TNFSF18: variants seen among roughly 807,000 people sequenced by gnomAD.
The protein encoded by TNFSF18 is TNF superfamily member 18.
A neutral mutation model predicts 9.6 loss-of-function variants in TNFSF18; 6 were observed. The ratio of observed to expected loss-of-function variants is 0.63; its 90% confidence interval spans 0.34 to 1.24. TNFSF18 has a LOEUF of 1.24. TNFSF18 is among the 50% of genes most tolerant of loss of function. The probability of loss-of-function intolerance (pLI) is 0.03; values close to 1 mark genes in which losing one functional copy is unlikely to be tolerated. For missense variants in TNFSF18, 210 were observed against 201.0 expected (o/e 1.04, Z -0.27); for synonymous variants, 68 against 71.7 (o/e 0.95, Z 0.26).
chr1:173,050,901 G>A lies in TNFSF18; in HGVS notation c.-5C>T, dbSNP rs746365980. 1.1e-5 allele frequency: 18 copies of A among 1,613,688 alleles called. No homozygotes were observed. The South Asian group carries it at 1.5e-4, about 14-fold the overall frequency. Reference sequence around the variant, plus strand: ...TTCCAAGTGGCTCAAACACATTTTTGGAGAAATGAGAGCTGTGGAAAACAA... The same window carrying A: ...TTCCAAGTGGCTCAAACACATTTTTAGAGAAATGAGAGCTGTGGAAAACAA... On this transcript the variant is annotated 5_prime_UTR_variant, in exon 1 of 3. Transcript: ENST00000404377.
chr1:173,039,722 A>G lies in TNFSF18; in HGVS notation c.*1645T>C, dbSNP rs1664959076. ...ACCAAGATTTTATAAGTATACATATATATACACACACACATATACACACAC... is the reference window on the plus strand; with the variant it reads ...ACCAAGATTTTATAAGTATACATATGTATACACACACACATATACACACAC... On this transcript the variant is annotated 3_prime_UTR_variant, in exon 3 of 3. Coordinates refer to ENST00000404377, the MANE Select transcript of TNFSF18 (RefSeq NM_005092.4). Among the ~76,000 whole-genome samples the G allele has an allele frequency of 6.7e-6, 1 of 150,244 alleles. No individual in the cohort carries two copies. Among genetic ancestry groups the G allele is most frequent in the Admixed American group, 6.7e-5 (1 of 15,016 alleles).
intron 1 of TNFSF18, among the ~76,000 whole-genome samples, chr1:173,048,579 A>G (rs549433271): frequency 9.8e-5 from 15 of 152,308 alleles, no homozygotes; most frequent in Non-Finnish European, 1.6e-4. Flanking sequence ...ACTCACAGCT[A>G]TCCTTTTAGT....
intron 2 of TNFSF18, among the ~76,000 whole-genome samples, chr1:173,043,583 A>G (rs903996286): frequency 6.6e-6 from 1 of 152,202 alleles, no homozygotes; most frequent in Non-Finnish European, 1.5e-5. Context: ...AATATGTGAA[A>G]CATGAGAAAG....
chr1:173,041,641 A>G lies in TNFSF18; in HGVS notation c.260T>C (p.Leu87Pro), dbSNP rs1333985429. 6.2e-7 allele frequency: 1 copy of G among 1,613,558 alleles called. No individual in the cohort carries two copies. Among genetic ancestry groups the G allele is most frequent in the Non-Finnish European group, 8.5e-7 (1 of 1,179,598 alleles). The part of the protein sequence containing the change: ...PCVNKVSDWK[L>P]EILQNGLYLI... ...ATATAAGCCATTCTGAAGTATCTCC[A>G]GCTTCCAGTCAGACACCTTATTCAC... is the stretch of plus-strand genomic sequence containing the variant. Residue 87 changes from leucine to proline, a missense_variant, in exon 3 of 3, where the codon CTG (leucine) becomes CCG (proline). Leu to Pro is a moderately conservative substitution (Grantham distance 98, BLOSUM62 -3). Transcript: ENST00000404377.
intron 2 of TNFSF18, 44 bp downstream of exon 2, chr1:173,043,895 C>A: frequency 3.8e-6 from 6 of 1,576,572 alleles, no homozygotes; most frequent in Non-Finnish European, 5.2e-6. Flanking sequence ...CTTCTTGCAT[C>A]AAAAACTAAG....
intron 1 of TNFSF18, among the ~76,000 whole-genome samples, chr1:173,045,960 C>T (rs1418385688): frequency 6.6e-6 from 1 of 151,970 alleles, no homozygotes; most frequent in African/African-American, 2.4e-5. Flanking sequence ...ATGGAGGCAA[C>T]GTTATCAGTG....
intron 1 of TNFSF18, among the ~76,000 whole-genome samples, chr1:173,047,863 G>A (rs1665108021): frequency 6.6e-6 from 1 of 152,032 alleles, no homozygotes; most frequent in Admixed American, 6.6e-5. Context: ...CATAAATTTG[G>A]CTCTGAGATA....
chr1:173,042,486 G>A (rs1665009090), intron 2 of TNFSF18, among the ~76,000 whole-genome samples: 1 of 151,924 alleles, frequency 6.6e-6, no homozygotes, highest in African/African-American at 2.4e-5. Context: ...TATCATTTAA[G>A]ACCTACTTAG....
intron 2 of TNFSF18, among the ~76,000 whole-genome samples, chr1:173,043,571 G>T (rs1665026096): frequency 6.6e-6 from 1 of 152,166 alleles, no homozygotes; most frequent in Non-Finnish European, 1.5e-5. Flanking sequence ...TTGGACATTA[G>T]CAATATGTGA....
In TNFSF18 at chr1:173,039,648, C is replaced by T. The variant is rs1420545118; in HGVS notation, c.*1719G>A. The stretch of plus-strand genomic sequence containing the variant: ...AATAATATGTGCTTATAAGCTAGCA[C>T]CAGCCCACTCCAGCACACATTGCTT... On this transcript the variant is annotated 3_prime_UTR_variant, in exon 3 of 3. Coordinates refer to ENST00000404377, the MANE Select transcript of TNFSF18 (RefSeq NM_005092.4). 2.6e-4 allele frequency among the ~76,000 whole-genome samples: 39 copies of T among 151,872 alleles called. No individual in the cohort carries two copies. Among genetic ancestry groups the T allele is most frequent in the Admixed American group, 2.5e-3 (38 of 15,202 alleles).
At position 173,041,652 on chromosome 1, in the gene TNFSF18, A is replaced by C; in HGVS notation, c.249T>G (p.Ser83=). ...SSEPPCVNKV[S]DWKLEILQNG... ...TCTGAAGTATCTCCAGCTTCCAGTC[A>C]GACACCTTATTCACGCAAGGAGGTT... The change falls in exon 3 of 3, where the codon TCT becomes TCG. Residue 83 remains serine, a synonymous_variant. Coordinates refer to ENST00000404377, the MANE Select transcript of TNFSF18 (RefSeq NM_005092.4). The C allele has an allele frequency of 6.2e-7, 1 of 1,613,520 alleles. No homozygotes were observed.
At chr1:173,046,233 T>C (rs1315758920) in intron 1 of TNFSF18, among the ~76,000 whole-genome samples, 2 of 152,230 alleles carry the variant, frequency 1.3e-5, no homozygotes, top group Admixed American at 1.3e-4. Flanking sequence ...CGAGCTTTTG[T>C]CATTAGAGTA....
At chr1:173,046,453 A>C (rs1295370692) in intron 1 of TNFSF18, among the ~76,000 whole-genome samples, 2 of 152,220 alleles carry the variant, frequency 1.3e-5, no homozygotes, top group East Asian at 3.9e-4. Flanking sequence ...TTTTTCAGTC[A>C]TGATGGTCAA....
chr1:173,050,144 T>C (rs1371125792), intron 1 of TNFSF18, among the ~76,000 whole-genome samples: 2 of 152,184 alleles, frequency 1.3e-5, no homozygotes, highest in African/African-American at 4.8e-5. Context: ...AGAAACATCA[T>C]AATAAATCCA....
At position 173,050,869 on chromosome 1, in the gene TNFSF18, G is replaced by T. The variant is rs143979974; in HGVS notation, c.28C>A (p.Pro10Thr). The change falls in exon 1 of 3, where the codon CCT becomes ACT. Residue 10 changes from proline (P) to threonine (T), a missense_variant. Physicochemically the swap from Pro to Thr is conservative, Grantham distance 38. Coordinates refer to ENST00000404377, the MANE Select transcript of TNFSF18 (RefSeq NM_005092.4). MCLSHLENM[P>T]LSHSRTQGAQ... ...CCTTGAGTTCTTGAATGGCTTAAAG[G>T]CATATTTTCCAAGTGGCTCAAACAC... The T allele has an allele frequency of 5.0e-6, 8 of 1,613,678 alleles. No individual in the cohort carries two copies. In the African/African-American group the frequency reaches 1.1e-4, roughly 22 times the overall value.
intron 2 of TNFSF18, among the ~76,000 whole-genome samples, chr1:173,043,058 G>T (rs765441020): frequency 1.3e-5 from 2 of 152,002 alleles, no homozygotes; most frequent in African/African-American, 4.8e-5. Flanking sequence ...TGTGAAAGGG[G>T]GTCATTTAAA....
intron 1 of TNFSF18, among the ~76,000 whole-genome samples, chr1:173,044,333 T>C (rs1665044534): frequency 6.6e-6 from 1 of 151,854 alleles, no homozygotes; most frequent in South Asian, 2.1e-4. Flanking sequence ...CACAAGGTGA[T>C]CTGTTGGCAT....
chr1:173,039,737 T>TACACAC lies in TNFSF18; in HGVS notation c.*1629_*1630insGTGTGT, dbSNP rs201928707. ...GTATACATATATATACACACACACA[T>TACACAC]ATACACACACACACACACACACACA... On this transcript the variant is annotated 3_prime_UTR_variant, in exon 3 of 3. Coordinates refer to ENST00000404377, the MANE Select transcript of TNFSF18 (RefSeq NM_005092.4). Among the ~76,000 whole-genome samples, 1,319 of 148,576 alleles carry TACACAC rather than the reference T, an allele frequency of 8.9e-3. 24 individuals are homozygous for TACACAC. The highest frequency in any genetic ancestry group is 0.029 in the African/African-American group (1,180 of 40,038).
chr1:173,040,594 A>G lies in TNFSF18; in HGVS notation c.*773T>C, dbSNP rs1278096891. ...ACTAAATCATTACATGACATAATCC[A>G]GTAATGATAATACCATTCTGGGGTT... On this transcript the variant is annotated 3_prime_UTR_variant, in exon 3 of 3. Coordinates refer to ENST00000404377, the MANE Select transcript of TNFSF18 (RefSeq NM_005092.4). 2 of 152,198 alleles carry G rather than the reference A, an allele frequency of 1.3e-5. No individual in the cohort carries two copies. Among genetic ancestry groups the G allele is most frequent in the African/African-American group, 4.8e-5 (2 of 41,466 alleles). The allele number at this position is 152,198 out of a possible 1,614,324, so 9.4% of individuals were successfully genotyped here. A position where few individuals can be genotyped will look rare whatever the true frequency, so the allele number is the denominator to read the frequency against.
Sources: gnomAD v4.1 joint callset for allele counts (sites outside exome capture counted in the v4.1 genomes callset) on GRCh38, gnomAD v4.1.1 for gene constraint, MANE v1.5 for transcripts, NCBI Gene and HGNC (gene_info 2026-07-23, HGNC 2026-07-21) for gene names.